The following BRINP3 variants were observed in gnomAD, a reference collection of about 807,000 sequenced individuals.
BRINP3 encodes BMP/retinoic acid-inducible neural-specific protein 3.
In BRINP3, 19 loss-of-function variants were observed where a neutral mutation model predicts 71.0. The ratio of observed to expected loss-of-function variants is 0.27; its 90% CI spans 0.19 to 0.39. The LOEUF (loss-of-function observed/expected upper bound fraction) is 0.39, where lower values mean the gene tolerates loss of function less well. Ranked by LOEUF, BRINP3 falls within the 10% of genes least tolerant of loss-of-function variation. The probability of loss-of-function intolerance (pLI) is 1.00; values close to 1 mark genes in which losing one functional copy is unlikely to be tolerated. For synonymous variants in BRINP3, 380 were observed against 337.7 expected, an observed-to-expected ratio of 1.13 and a Z score of -1.37; for missense variants, 959 against 940.8, an observed-to-expected ratio of 1.02 and a Z score of -0.25.
chr1:190,384,898 C>T (rs1670785028), intron 2 of BRINP3, among the ~76,000 whole-genome samples: 1 of 151,366 alleles, frequency 6.6e-6, no homozygotes, highest in Non-Finnish European at 1.5e-5. Context: ...TGAACAGAGC[C>T]CTCAGAAATA....
intron 2 of BRINP3, among the ~76,000 whole-genome samples, chr1:190,348,559 A>G (rs1668171321): frequency 6.6e-6 from 1 of 152,148 alleles, no homozygotes; most frequent in African/African-American, 2.4e-5. Flanking sequence ...TGTATAAAGA[A>G]TTCTAATTTA....
At chr1:190,334,227 CT>C (rs1667144591) in intron 2 of BRINP3, among the ~76,000 whole-genome samples, 1 of 151,710 alleles carries the variant, frequency 6.6e-6, no homozygotes, top group Non-Finnish European at 1.5e-5. Context: ...TGATTTCAAT[CT>C]TTTTTCAAGT....
At chr1:190,386,164 G>T (rs1670886229) in intron 2 of BRINP3, among the ~76,000 whole-genome samples, 1 of 148,360 alleles carries the variant, frequency 6.7e-6, no homozygotes, top group Admixed American at 6.8e-5. Flanking sequence ...GCACCAGCAT[G>T]GCACATGTAT....
At chr1:190,276,259 T>C (rs1472306779) in intron 3 of BRINP3, among the ~76,000 whole-genome samples, 6 of 151,628 alleles carry the variant, frequency 4.0e-5, no homozygotes, top group African/African-American at 1.5e-4. Flanking sequence ...CTTTATTATG[T>C]TATAAACTAA....
intron 7 of BRINP3, among the ~76,000 whole-genome samples, chr1:190,141,891 A>C (rs1208868344): frequency 6.6e-6 from 1 of 152,130 alleles, no homozygotes; most frequent in Non-Finnish European, 1.5e-5. Flanking sequence ...ATGTAAAATA[A>C]AATAATAAAG....
chr1:190,322,086 AT>A (rs1354076093), intron 2 of BRINP3, among the ~76,000 whole-genome samples: 1 of 152,058 alleles, frequency 6.6e-6, no homozygotes, highest in East Asian at 1.9e-4. Flanking sequence ...TATATGGGAA[AT>A]AATAGTATTT....
intron 3 of BRINP3, among the ~76,000 whole-genome samples, chr1:190,276,682 A>T (rs1163825095): frequency 6.6e-6 from 1 of 151,150 alleles, no homozygotes; most frequent in Admixed American, 6.6e-5. Flanking sequence ...CTACATGAGA[A>T]TTGAGGTAGC....
chr1:190,162,298 C>T (rs1025293843), intron 6 of BRINP3, among the ~76,000 whole-genome samples: 1 of 151,736 alleles, frequency 6.6e-6, no homozygotes. Flanking sequence ...ATTCTCCTGC[C>T]TCAGCCTCCC....
At chr1:190,166,053 T>C (rs1651505239) in intron 6 of BRINP3, among the ~76,000 whole-genome samples, 1 of 152,196 alleles carries the variant, frequency 6.6e-6, no homozygotes, top group Non-Finnish European at 1.5e-5. Flanking sequence ...AATTTCCCAA[T>C]ATCTACAGTA....
At position 190,283,986 on chromosome 1, in the gene BRINP3, A is replaced by G. The variant is rs1349870991; in HGVS notation, c.237-2236T>C. 2.0e-5 allele frequency among the ~76,000 whole-genome samples: 3 copies of G among 151,932 alleles called. No homozygotes were observed. In the East Asian group the frequency reaches 5.8e-4, roughly 29 times the overall value. On this transcript the variant is annotated intron_variant, in intron 2 of 7. Transcript: ENST00000367462. ...AAATGTATTTATAGATTAAGATACAATCTAAGTGAAATAATTAGACTAAAA... is the reference window on the plus strand; with the variant it reads ...AAATGTATTTATAGATTAAGATACAGTCTAAGTGAAATAATTAGACTAAAA...
At chr1:190,436,659 T>C (rs1674477373) in intron 2 of BRINP3, among the ~76,000 whole-genome samples, 1 of 151,870 alleles carries the variant, frequency 6.6e-6, no homozygotes, top group Non-Finnish European at 1.5e-5. Flanking sequence ...GAATAATTCA[T>C]CTCATACAAT....
chr1:190,459,370 G>T (rs550662557), intron 1 of BRINP3, among the ~76,000 whole-genome samples: 1 of 151,662 alleles, frequency 6.6e-6, no homozygotes, highest in East Asian at 1.9e-4. Flanking sequence ...TTCCAAGGTG[G>T]TGGTACCTTA....
In BRINP3 at chr1:190,098,783, G is replaced by T; in HGVS notation, c.1536C>A (p.Ala512=). The change falls in exon 8 of 8, where the codon GCC becomes GCA. Residue 512 remains alanine, a synonymous_variant. Transcript: ENST00000367462. ...QKTDRRIEVH[A]IFISNDMRLN... ...GGCGCATGTCATTGCTGATAAAAAT[G>T]GCATGGACTTCTATTCGTCTGTCCG... 1 of 1,614,182 alleles carries T rather than the reference G, an allele frequency of 6.2e-7. No homozygotes were observed. Among genetic ancestry groups the T allele is most frequent in the Non-Finnish European group, 8.5e-7 (1 of 1,180,038 alleles).
intron 6 of BRINP3, among the ~76,000 whole-genome samples, chr1:190,186,748 T>A (rs748197432): frequency 1.3e-5 from 2 of 152,146 alleles, no homozygotes; most frequent in Non-Finnish European, 2.9e-5. Flanking sequence ...AAACTCACAT[T>A]ATGTTAGGAA....
At chr1:190,222,216 C>T (rs1188617986) in intron 6 of BRINP3, among the ~76,000 whole-genome samples, 2 of 151,824 alleles carry the variant, frequency 1.3e-5, no homozygotes, top group East Asian at 1.9e-4. Flanking sequence ...TATCAAGTAA[C>T]TTTTCTGACC....
At position 190,220,334 on chromosome 1, in the gene BRINP3, T is replaced by C. The variant is rs150897271; in HGVS notation, c.961+5748A>G. 8.9e-3 allele frequency among the ~76,000 whole-genome samples: 1,347 copies of C among 151,406 alleles called. 20 individuals are homozygous for C. The highest frequency in any genetic ancestry group is 0.031 in the African/African-American group (1,286 of 41,244). On this transcript the variant is annotated intron_variant, in intron 6 of 7. Transcript: ENST00000367462. ...GCATGTTCTCAATCATATGTGGGAG[T>C]TGAACAATGAGATCACACGGACACA...
intron 2 of BRINP3, among the ~76,000 whole-genome samples, chr1:190,322,935 G>A (rs1375899025): frequency 1.3e-5 from 2 of 151,726 alleles, no homozygotes; most frequent in African/African-American, 4.8e-5. Flanking sequence ...TTTAAAGAGC[G>A]GGTGATGCAA....
At position 190,301,134 on chromosome 1, in the gene BRINP3, CAT is replaced by C. The variant is rs201106793; in HGVS notation, c.237-19386_237-19385del. The stretch of plus-strand genomic sequence containing the variant: ...TATATTTTATTGATGGCTTTACATA[CAT>C]ATATATATACACACATACATATATA... On this transcript the variant is annotated intron_variant, in intron 2 of 7. Coordinates refer to ENST00000367462, the MANE Select transcript of BRINP3 (RefSeq NM_199051.3). 6.5e-4 allele frequency among the ~76,000 whole-genome samples: 91 copies of C among 141,026 alleles called. No homozygotes were observed. The East Asian group carries it at 8.4e-3, about 13-fold the overall frequency. 92.5% of individuals were successfully genotyped at this position (141,026 alleles called of 152,430 possible). A position where few individuals can be genotyped will look rare whatever the true frequency, so the allele number is the denominator to read the frequency against.
chr1:190,349,250 T>C lies in BRINP3; in HGVS notation c.237-67500A>G, dbSNP rs540553029. 2.5e-3 allele frequency among the ~76,000 whole-genome samples: 379 copies of C among 152,234 alleles called. 1 individual carries two copies. Among genetic ancestry groups the C allele is most frequent in the African/African-American group, 8.8e-3 (367 of 41,576 alleles). On this transcript the variant is annotated intron_variant, in intron 2 of 7. Coordinates refer to ENST00000367462, the MANE Select transcript of BRINP3 (RefSeq NM_199051.3). Reference sequence around the variant, plus strand: ...AAAGAACACACCAAAATTGGATTTCTCTATTTTTATTTTCATGAGCCACTA... The same window carrying C: ...AAAGAACACACCAAAATTGGATTTCCCTATTTTTATTTTCATGAGCCACTA...
Sources: gnomAD v4.1 joint callset for allele counts (sites outside exome capture counted in the v4.1 genomes callset) on GRCh38, gnomAD v4.1.1 for gene constraint, MANE v1.5 for transcripts, NCBI Gene and HGNC (gene_info 2026-07-23, HGNC 2026-07-21) for gene names.